Variants in MICALL2 observed in about 807,000 individuals in gnomAD.
MICALL2 encodes the protein MICAL like 2.
Under a neutral mutation model 91.1 loss-of-function variants are expected in MICALL2, and 111 were observed. That is an observed-to-expected ratio of 1.22 (90% CI 1.04 to 1.43). The LOEUF (loss-of-function observed/expected upper bound fraction) is 1.43, where lower values mean the gene tolerates loss of function less well. Among genes scored for constraint, MICALL2 ranks in the 40% most tolerant of loss-of-function variants. The pLI is 0.00. For synonymous variants in MICALL2, 694 were observed against 525.3 expected (o/e 1.32, Z -4.39); for missense variants, 1,556 against 1,236.0 (o/e 1.26, Z -3.88).
In MICALL2 at chr7:1,442,423, TTGCTTGTGG is replaced by T; in HGVS notation, c.1471_1479del (p.Pro491_Ala493del). 1 of 1,570,586 alleles carries T rather than the reference TTGCTTGTGG, an allele frequency of 6.4e-7. No individual in the cohort carries two copies. Among genetic ancestry groups the T allele is most frequent in the Non-Finnish European group, 8.6e-7 (1 of 1,156,928 alleles). On this transcript the variant is annotated inframe_deletion, in exon 7 of 17. Coordinates refer to ENST00000297508, the MANE Select transcript of MICALL2 (RefSeq NM_182924.4). ...GACTGTAACGGCTTGGCTAAGGGAC[TTGCTTGTGG>T]TGCTTCAGTTTTGGGCTGAGAACTG...
Position 1,449,299 on chromosome 7 carries a change from G to A in MICALL2, c.193-538C>T, listed in dbSNP as rs369695751. On this transcript the variant is annotated intron_variant, in intron 2 of 16. Coordinates refer to ENST00000297508, the MANE Select transcript of MICALL2 (RefSeq NM_182924.4). The stretch of plus-strand genomic sequence containing the variant: ...CCGGCACACTTGAGGAACTGGACTT[G>A]TTTATTTATTTATTTTTATTTATTA... Among the ~76,000 whole-genome samples the A allele has an allele frequency of 3.7e-4, 57 of 152,300 alleles. 1 individual carries two copies. The South Asian group carries it at 0.01, about 28-fold the overall frequency.
rs1460959045 is a variant in MICALL2, at chr7:1,434,385, A to G, written c.*211T>C. The G allele has an allele frequency of 2.9e-6, 2 of 678,200 alleles. No individual in the cohort carries two copies. Among genetic ancestry groups the G allele is most frequent in the Non-Finnish European group, 5.4e-6 (2 of 370,204 alleles). The allele number at this position is 678,200 out of a possible 1,614,324, so 42.0% of individuals were successfully genotyped here. A position where few individuals can be genotyped will look rare whatever the true frequency, so the allele number is the denominator to read the frequency against. ...CCGGGGCCATGTGGTCGGTTTCTTT[A>G]TTGAGACCACAGACGGTAGCGCAGG... is the stretch of plus-strand genomic sequence containing the variant. On this transcript the variant is annotated 3_prime_UTR_variant, in exon 17 of 17. Coordinates refer to ENST00000297508, the MANE Select transcript of MICALL2 (RefSeq NM_182924.4).
chr7:1,452,275 G>A lies in MICALL2; in HGVS notation c.144-1987C>T, dbSNP rs1200610461. On this transcript the variant is annotated intron_variant, in intron 1 of 16. Transcript: ENST00000297508. This position sits in a 1 kb window ranked among gnomAD's most constrained non-coding sequence, Gnocchi z 6.2. ...CAGCGAAAGCGGTTTCCGTCTGCTC[G>A]GGCCTGGGCCGATGCCTCTGTCTGC... Among the ~76,000 whole-genome samples, 1 of 152,166 alleles carries A rather than the reference G, an allele frequency of 6.6e-6. No homozygotes were observed. The highest frequency in any genetic ancestry group is 1.5e-5 in the Non-Finnish European group (1 of 67,998).
At chr7:1,439,800 G>T in intron 9 of MICALL2, 125 bp downstream of exon 9, 2 of 747,984 alleles carry the variant, frequency 2.7e-6, no homozygotes, top group African/African-American at 1.9e-5. Context: ...CAGCTTCTCT[G>T]GCTGACCGGA....
At chr7:1,447,444 C>A (rs939724068) in intron 4 of MICALL2, 131 bp downstream of exon 4, 4 of 603,016 alleles carry the variant, frequency 6.6e-6, no homozygotes, top group Non-Finnish European at 1.2e-5. Flanking sequence ...TAAGGCTGAG[C>A]CCTGGACTGG....
At chr7:1,440,945 G>C (rs1584207475) in intron 7 of MICALL2, 2 of 488,316 alleles carry the variant, frequency 4.1e-6, no homozygotes, top group East Asian at 7.8e-5. Context: ...CCGAATGGGT[G>C]GGGACGTGGC....
rs1779878246 is a variant in MICALL2 at position 1,434,687 on chromosome 7, G to A, written c.2639-15C>T. ...CCTCTGGAGGCCTAGGGGACAGGTGGACAGTGAGGCCGTGCTCAACGCCGC... is the reference window on the plus strand; with the variant it reads ...CCTCTGGAGGCCTAGGGGACAGGTGAACAGTGAGGCCGTGCTCAACGCCGC... On this transcript the variant is annotated splice_polypyrimidine_tract_variant and intron_variant, in intron 16 of 16. Transcript: ENST00000297508. The A allele has an allele frequency of 6.5e-7, 1 of 1,542,470 alleles. No homozygotes were observed. Among genetic ancestry groups the A allele is most frequent in the South Asian group, 1.3e-5 (1 of 79,790 alleles).
chr7:1,439,358 CATGAAA>C, intron 9 of MICALL2: 1 of 251,130 alleles, frequency 4.0e-6, no homozygotes, highest in Non-Finnish European at 7.7e-6. Context: ...GCATCACATT[CATGAAA>C]CAGATCCACA....
chr7:1,453,473 G>A (rs1335174809), intron 1 of MICALL2, among the ~76,000 whole-genome samples: 1 of 152,252 alleles, frequency 6.6e-6, no homozygotes, highest in African/African-American at 2.4e-5. Context: ...CGTCCGGGAC[G>A]TTGGCCTGCA....
intron 9 of MICALL2, chr7:1,439,319 C>T (rs376234641): frequency 1.4e-4 from 46 of 337,732 alleles, no homozygotes; most frequent in Middle Eastern, 7.9e-4. Context: ...GCATCACACA[C>T]GAACACGGGT....
chr7:1,441,450 G>T (rs906101484), intron 7 of MICALL2: 4 of 153,194 alleles, frequency 2.6e-5, no homozygotes, highest in Non-Finnish European at 5.8e-5. Context: ...CTAACCCCTG[G>T]TGGGTGACAG....
At chr7:1,436,950 T>C in intron 14 of MICALL2, 94 bp from the exon 15 acceptor site, 1 of 892,574 alleles carries the variant, frequency 1.1e-6, no homozygotes, top group East Asian at 3.1e-5. Flanking sequence ...CAGGCTCCTC[T>C]TTTGGAGGAA....
intron 13 of MICALL2, 137 bp from the exon 14 acceptor site, chr7:1,437,745 G>A: frequency 8.1e-7 from 1 of 1,230,162 alleles, no homozygotes; most frequent in Non-Finnish European, 1.2e-6. Flanking sequence ...CCCCCGCCTG[G>A]CCCACCCAGA....
chr7:1,437,011 G>A (rs1780001656), intron 14 of MICALL2, 155 bp from the exon 15 acceptor site: 2 of 543,022 alleles, frequency 3.7e-6, no homozygotes, highest in Non-Finnish European at 3.2e-6. Context: ...GTGAATAAGT[G>A]AATGAAGGAA....
chr7:1,436,895 C>A (rs1205776105), intron 14 of MICALL2, 39 bp from the exon 15 acceptor site: 3 of 1,415,890 alleles, frequency 2.1e-6, no homozygotes, highest in Non-Finnish European at 2.9e-6. Flanking sequence ...CCCCCCACCA[C>A]TGCCATGCCC....
chr7:1,443,652 A>C (rs1260838589), intron 6 of MICALL2, among the ~76,000 whole-genome samples: 2 of 152,208 alleles, frequency 1.3e-5, no homozygotes, highest in Non-Finnish European at 1.5e-5. Flanking sequence ...GACAGAGAGA[A>C]GGCCACATGG....
chr7:1,436,852 A>G lies in MICALL2; in HGVS notation c.2481T>C (p.Ala827=). The G allele has an allele frequency of 6.3e-7, 1 of 1,590,798 alleles. No individual in the cohort carries two copies. The highest frequency in any genetic ancestry group is 1.4e-5 in the African/African-American group (1 of 74,030). ...GCCGCCGCTCCTGCAGTGACTTCAGAGCCTCTGTGGGGATGGCTCGTCAGC... is the reference window on the plus strand; with the variant it reads ...GCCGCCGCTCCTGCAGTGACTTCAGGGCCTCTGTGGGGATGGCTCGTCAGC... The part of the protein sequence containing the change: ...ELRRLMAKPE[A]LKSLQERRRE... The change falls in exon 15 of 17, where the codon GCT becomes GCC. Residue 827 remains alanine (A), a synonymous_variant. Coordinates refer to ENST00000297508, the MANE Select transcript of MICALL2 (RefSeq NM_182924.4).
At position 1,445,035 on chromosome 7, in the gene MICALL2, C is replaced by T. The variant is rs748660004; in HGVS notation, c.1035G>A (p.Pro345=). 2.2e-5 allele frequency: 34 copies of T among 1,534,818 alleles called. No homozygotes were observed. Among genetic ancestry groups the T allele is most frequent in the Middle Eastern group, 3.4e-4 (2 of 5,888 alleles). Residue 345 remains proline (P), a synonymous_variant, in exon 6 of 17, where the codon CCG becomes CCA. Transcript: ENST00000297508. The part of the protein sequence containing the change: ...KVRPRVTNSS[P]MGWSSAAPCT... ...ACGGGGCAGCTGACGACCAGCCCAT[C>T]GGGGAGCTATTGGTCACACGAGGGC... is the stretch of plus-strand genomic sequence containing the variant.
rs1290812797 is a variant in MICALL2 at position 1,452,816 on chromosome 7, C to T, written c.144-2528G>A. On this transcript the variant is annotated intron_variant, in intron 1 of 16. Coordinates refer to ENST00000297508, the MANE Select transcript of MICALL2 (RefSeq NM_182924.4). The surrounding 1 kb of genome is among the most constrained non-coding windows in gnomAD (Gnocchi z 6.2). ...CTCAGGATGAGGTTCAAGCTGCATT[C>T]GGGGCGTTTGAGGCCTATTCAACTG... Among the ~76,000 whole-genome samples the T allele has an allele frequency of 6.6e-6, 1 of 152,128 alleles. No individual in the cohort carries two copies. Among genetic ancestry groups the T allele is most frequent in the Non-Finnish European group, 1.5e-5 (1 of 68,018 alleles).
Sources: allele counts gnomAD v4.1 joint callset (sites outside exome capture counted in the v4.1 genomes callset), GRCh38; gene constraint gnomAD v4.1.1; non-coding constraint Gnocchi (gnomAD v3.1); transcripts MANE v1.5; gene names NCBI Gene and HGNC (gene_info 2026-07-23, HGNC 2026-07-21).